Variants in ARMH4 observed in about 807,000 individuals in gnomAD.
ARMH4 encodes armadillo like helical domain containing 4.
In ARMH4, 49 loss-of-function variants were observed where a neutral mutation model predicts 61.9. The observed-to-expected ratio is 0.79, with a 90% CI of 0.63 to 1.00. The LOEUF is 1.00. ARMH4 is among the 50% of genes least tolerant of loss of function. ARMH4 has a pLI of 0.00. For missense variants in ARMH4, 934 were observed against 930.0 expected (o/e 1.00, Z -0.06); for synonymous variants, 368 against 341.5 (o/e 1.08, Z -0.85).
At chr14:58,151,665 C>G (rs563058379) in intron 1 of ARMH4, among the ~76,000 whole-genome samples, 98 of 152,222 alleles carry the variant, frequency 6.4e-4, no homozygotes, top group Admixed American at 6.3e-3. Context: ...AGGAGTAAAC[C>G]GTTGTTTTCG....
chr14:58,121,196 A>T (rs1289575845), intron 4 of ARMH4, among the ~76,000 whole-genome samples: 2 of 152,258 alleles, frequency 1.3e-5, no homozygotes, highest in African/African-American at 2.4e-5. Context: ...TCATCTGAAT[A>T]GCCAAATAAA....
In ARMH4 at chr14:58,139,291, G is replaced by T. The variant is rs1566600938; in HGVS notation, c.68C>A (p.Thr23Lys). The stretch of plus-strand genomic sequence containing the variant: ...TATTTTGGGGAAGGCCAGACATTGT[G>T]TGGCAACGCTGAAAAGCAGAAGGCT... The part of the protein sequence containing the change: ...FCSLLLFSVA[T>K]QCLAFPKIER... The change falls in exon 2 of 8, where the codon ACA (threonine) becomes AAA (lysine). Residue 23 changes from threonine to lysine, a missense_variant. Physicochemically the swap from Thr to Lys is moderately conservative, Grantham distance 78 (BLOSUM62 -1). Coordinates refer to ENST00000267485, the MANE Select transcript of ARMH4 (RefSeq NM_001001872.4). 6.2e-7 allele frequency: 1 copy of T among 1,614,122 alleles called. No individual in the cohort carries two copies. The highest frequency in any genetic ancestry group is 2.2e-5 in the East Asian group (1 of 44,890).
intron 2 of ARMH4, among the ~76,000 whole-genome samples, chr14:58,137,459 A>C (rs1231376114): frequency 6.6e-6 from 1 of 151,310 alleles, no homozygotes; most frequent in African/African-American, 2.4e-5. Flanking sequence ...GTGCAGTGGT[A>C]CAATCTTGGC....
chr14:58,005,749 A>G (rs1049453000), intron 6 of ARMH4, among the ~76,000 whole-genome samples: 8 of 152,132 alleles, frequency 5.3e-5, no homozygotes, highest in East Asian at 1.9e-4. Flanking sequence ...GAAAACAAGG[A>G]AAAAAAAGGC....
At chr14:58,121,037 C>A (rs889188648) in intron 4 of ARMH4, among the ~76,000 whole-genome samples, 20 of 152,094 alleles carry the variant, frequency 1.3e-4, no homozygotes, top group African/African-American at 3.9e-4. Context: ...TCTCCAGACC[C>A]CTTAGATAGG....
intron 4 of ARMH4, among the ~76,000 whole-genome samples, chr14:58,117,943 T>G (rs1408034013): frequency 2.0e-5 from 3 of 151,532 alleles, no homozygotes; most frequent in East Asian, 1.9e-4. Context: ...AAAAAAAAAT[T>G]TATACAGGTG....
At chr14:58,010,437 TAA>T (rs1387304545) in intron 6 of ARMH4, among the ~76,000 whole-genome samples, 1 of 152,036 alleles carries the variant, frequency 6.6e-6, no homozygotes, top group Non-Finnish European at 1.5e-5. Flanking sequence ...GGGGAAGATT[TAA>T]AGAGTTCCTC....
chr14:58,142,841 C>T (rs934529945), intron 1 of ARMH4, among the ~76,000 whole-genome samples: 7 of 152,140 alleles, frequency 4.6e-5, no homozygotes, highest in African/African-American at 1.7e-4. Flanking sequence ...AATCCTCCTG[C>T]ATCAAGCTCC....
chr14:58,038,676 G>A (rs956349863), intron 5 of ARMH4, among the ~76,000 whole-genome samples: 7 of 151,892 alleles, frequency 4.6e-5, no homozygotes, highest in South Asian at 4.2e-4. Flanking sequence ...TATAGTGGCC[G>A]GTTTAATAAC....
Position 58,138,208 on chromosome 14 carries a change from T to G in ARMH4, c.1151A>C (p.His384Pro). The G allele has an allele frequency of 6.2e-7, 1 of 1,614,214 alleles. No homozygotes were observed. Among genetic ancestry groups the G allele is most frequent in the Non-Finnish European group, 8.5e-7 (1 of 1,180,034 alleles). ...THTGTALLIAHGNERSPAFTD... is the reference protein window; with the variant it reads ...THTGTALLIAPGNERSPAFTD... The stretch of plus-strand genomic sequence containing the variant: ...GAAAGCAGGTGATCTCTCATTCCCA[T>G]GCGCTATTAGCAGGGCTGTGCCCGT... The change falls in exon 2 of 8, where the codon CAT (histidine) becomes CCT (proline). Residue 384 changes from histidine (H) to proline (P), a missense_variant. His to Pro is a moderately conservative substitution (Grantham distance 77, BLOSUM62 -2). Coordinates refer to ENST00000267485, the MANE Select transcript of ARMH4 (RefSeq NM_001001872.4).
chr14:58,138,043 G>C lies in ARMH4; in HGVS notation c.1316C>G (p.Ser439Cys). ...TGCCTCAGACTCATATACAGAGACA[G>C]AAACAGTGGTTTCTAAGAAAAACAG... is the stretch of plus-strand genomic sequence containing the variant. ...DALFFLETTV[S>C]VSVYESEADQ... The change falls in exon 2 of 8, where the codon TCT becomes TGT. Residue 439 changes from serine to cysteine, a missense_variant. Transcript: ENST00000267485. 1.9e-6 allele frequency: 3 copies of C among 1,614,166 alleles called. No homozygotes were observed. The highest frequency in any genetic ancestry group is 2.5e-6 in the Non-Finnish European group (3 of 1,180,040).
chr14:58,148,297 G>A (rs1466221366), intron 1 of ARMH4, among the ~76,000 whole-genome samples: 6 of 152,070 alleles, frequency 3.9e-5, no homozygotes, highest in Admixed American at 2.0e-4. Flanking sequence ...CACCCACCTC[G>A]GCCTCCCAAA....
At chr14:58,073,548 T>A (rs11846774) in intron 5 of ARMH4, among the ~76,000 whole-genome samples, 78,656 of 152,038 alleles carry the variant, frequency 0.52, 20,909 homozygotes, top group Middle Eastern at 0.61. Context: ...TGTTACTTCC[T>A]CTTAAGCTCC....
intron 5 of ARMH4, among the ~76,000 whole-genome samples, chr14:58,050,491 A>G (rs755660586): frequency 2.0e-5 from 3 of 152,004 alleles, no homozygotes; most frequent in Non-Finnish European, 2.9e-5. Context: ...TATAGGAGGA[A>G]TTGATCAAGG....
At chr14:58,044,238 A>G (rs1263986932) in intron 5 of ARMH4, among the ~76,000 whole-genome samples, 1 of 152,240 alleles carries the variant, frequency 6.6e-6, no homozygotes, top group Non-Finnish European at 1.5e-5. Context: ...CAGTAACCAA[A>G]GCAGCACGGT....
chr14:58,057,893 T>C (rs1336162672), intron 5 of ARMH4, among the ~76,000 whole-genome samples: 1 of 152,170 alleles, frequency 6.6e-6, no homozygotes, highest in Non-Finnish European at 1.5e-5. Flanking sequence ...GCTAGAGAGA[T>C]AGGTTAGTAA....
intron 4 of ARMH4, among the ~76,000 whole-genome samples, chr14:58,105,193 G>A (rs1375210969): frequency 3.3e-5 from 5 of 152,116 alleles, no homozygotes; most frequent in Non-Finnish European, 7.4e-5. Flanking sequence ...TAAAATTAAA[G>A]AACTCAATCA....
chr14:58,131,863 T>C (rs1400550425), intron 3 of ARMH4, 142 bp from the exon 4 acceptor site: 1 of 689,420 alleles, frequency 1.5e-6, no homozygotes, highest in African/African-American at 1.8e-5. Flanking sequence ...CAGCTCTCCT[T>C]TCCCATATTG....
chr14:58,005,880 C>T (rs554893377), intron 6 of ARMH4, among the ~76,000 whole-genome samples: 1 of 152,306 alleles, frequency 6.6e-6, no homozygotes, highest in South Asian at 2.1e-4. Context: ...ACCTTCCCAA[C>T]AGACAAGACA....
Sources: allele counts gnomAD v4.1 joint callset (sites outside exome capture counted in the v4.1 genomes callset), GRCh38; gene constraint gnomAD v4.1.1; transcripts MANE v1.5; gene names NCBI Gene and HGNC (gene_info 2026-07-23, HGNC 2026-07-21).